The following RAB11FIP4 variants were observed in gnomAD, a reference collection of about 807,000 sequenced individuals.
RAB11FIP4 encodes the protein RAB11 family interacting protein 4, also known as rab11 family-interacting protein 4.
Under a neutral mutation model 74.3 loss-of-function variants are expected in RAB11FIP4, and 23 were observed. The observed-to-expected ratio is 0.31, with a 90% CI of 0.22 to 0.44. The LOEUF is 0.44. RAB11FIP4 is among the 20% of genes least tolerant of loss of function. The pLI, the probability that RAB11FIP4 is intolerant of heterozygous loss-of-function variation, is 1.00. For missense variants in RAB11FIP4, 630 were observed against 863.9 expected (o/e 0.73, Z 3.39); for synonymous variants, 360 against 359.9 (o/e 1.00, Z 0.00).
At chr17:31,493,552 A>G (rs62063883) in intron 3 of RAB11FIP4, among the ~76,000 whole-genome samples, 23,445 of 152,106 alleles carry the variant, frequency 0.15, 2,019 homozygotes, top group South Asian at 0.29. Flanking sequence ...GAGCGAGAAT[A>G]GCAGCAAGTC....
At chr17:31,463,831 T>TTTTTGG (rs2071656861) in intron 3 of RAB11FIP4, among the ~76,000 whole-genome samples, 1 of 129,598 alleles carries the variant, frequency 7.7e-6, no homozygotes. Flanking sequence ...TTTTTTTTTT[T>TTTTTGG]GAGACAGAGT....
chr17:31,445,532 TTATATATATATATA>T (rs1208804229), intron 3 of RAB11FIP4, among the ~76,000 whole-genome samples: 93 of 36,526 alleles, frequency 2.5e-3, no homozygotes, highest in African/African-American at 3.0e-3. Flanking sequence ...TTTCCCAATT[TTATATATATATATA>T]TATATATATA....
rs1397072046 is a variant in RAB11FIP4, at chr17:31,521,256, C to CT, written c.655dup (p.Tyr219LeufsTer5). On this transcript the variant is annotated frameshift_variant, in exon 5 of 15. Transcript: ENST00000621161. LOFTEE classifies it high-confidence loss of function. ...TCAGCAATGAGGAGCAGTTTGAAGACTATGGGGAGGGTGACGATGTGGACT... is the reference window on the plus strand; with the variant it reads ...TCAGCAATGAGGAGCAGTTTGAAGACTTATGGGGAGGGTGACGATGTGGACT... 6.2e-7 allele frequency: 1 copy of CT among 1,613,960 alleles called. No homozygotes were observed. The highest frequency in any genetic ancestry group is 1.3e-5 in the African/African-American group (1 of 74,906).
At chr17:31,488,823 G>C (rs977387339) in intron 3 of RAB11FIP4, among the ~76,000 whole-genome samples, 3 of 152,188 alleles carry the variant, frequency 2.0e-5, no homozygotes, top group African/African-American at 7.2e-5. Flanking sequence ...GGCCCTTGAG[G>C]CGGCCGGTCT....
intron 3 of RAB11FIP4, among the ~76,000 whole-genome samples, chr17:31,465,082 C>T (rs570989010): frequency 4.6e-5 from 7 of 152,120 alleles, no homozygotes; most frequent in Admixed American, 2.6e-4. Context: ...CCAGGGCCTA[C>T]GGGCAGTCAG....
chr17:31,431,884 G>A lies in RAB11FIP4; in HGVS notation c.231G>A (p.Gly77=). The A allele has an allele frequency of 6.2e-7, 1 of 1,612,854 alleles. No individual in the cohort carries two copies. The highest frequency in any genetic ancestry group is 2.2e-5 in the East Asian group (1 of 44,820). The part of the protein sequence containing the change: ...GRINFKDFCR[G]VFAMKGCEEL... Reference sequence around the variant, plus strand: ...TCAACTTCAAGGACTTTTGCCGGGGGGTGTTCGCCATGAAAGGTGAGGTCT... The same window carrying A: ...TCAACTTCAAGGACTTTTGCCGGGGAGTGTTCGCCATGAAAGGTGAGGTCT... Residue 77 remains glycine, a synonymous_variant, in exon 2 of 15, where the codon GGG becomes GGA. Transcript: ENST00000621161.
At chr17:31,509,015 T>TA (rs1451077326) in intron 3 of RAB11FIP4, 1 of 152,640 alleles carries the variant, frequency 6.6e-6, no homozygotes, top group Non-Finnish European at 1.5e-5. Context: ...GCCTTTGCTT[T>TA]ATGTAAATGT....
chr17:31,525,293 G>A, intron 10 of RAB11FIP4, 63 bp downstream of exon 10: 1 of 1,467,194 alleles, frequency 6.8e-7, no homozygotes, highest in Non-Finnish European at 9.1e-7. Flanking sequence ...AGCCCTGTGG[G>A]ATAGGCGCTA....
Position 31,393,494 on chromosome 17 carries a change from C to T in RAB11FIP4, c.159+1483C>T, listed in dbSNP as rs116676507. ...GGAAGGGCCTCCCAACAACCTCTGG[C>T]AGGGGCCACCGGCCTCAGCCACGTG... On this transcript the variant is annotated intron_variant, in intron 1 of 14. Transcript: ENST00000621161. 1.9e-3 allele frequency among the ~76,000 whole-genome samples: 297 copies of T among 152,340 alleles called. 1 individual carries two copies. The highest frequency in any genetic ancestry group is 6.7e-3 in the African/African-American group (280 of 41,586).
chr17:31,414,326 G>C (rs980005483), intron 1 of RAB11FIP4, among the ~76,000 whole-genome samples: 1 of 152,206 alleles, frequency 6.6e-6, no homozygotes, highest in Non-Finnish European at 1.5e-5. Context: ...TCCTTCCCTG[G>C]GAGCTTCCTG....
chr17:31,450,607 G>A (rs953618288), intron 3 of RAB11FIP4, among the ~76,000 whole-genome samples: 1 of 151,784 alleles, frequency 6.6e-6, no homozygotes, highest in Admixed American at 6.6e-5. Flanking sequence ...AGCCTTGCCC[G>A]CCCTCCTCCT....
intron 3 of RAB11FIP4, among the ~76,000 whole-genome samples, chr17:31,462,926 G>T (rs988674612): frequency 6.6e-6 from 1 of 152,114 alleles, no homozygotes; most frequent in Non-Finnish European, 1.5e-5. Context: ...GTGAGCCACC[G>T]CGCCCAGCCT....
intron 3 of RAB11FIP4, chr17:31,487,915 G>A (rs2071926876): frequency 2.2e-6 from 1 of 445,128 alleles, no homozygotes; most frequent in Non-Finnish European, 3.0e-6. Context: ...GGTTACCTGG[G>A]CCCCGCCCCG....
intron 11 of RAB11FIP4, 115 bp downstream of exon 11, chr17:31,528,038 A>G (rs2072798461): frequency 1.3e-6 from 1 of 763,042 alleles, no homozygotes; most frequent in South Asian, 1.8e-5. Context: ...AAAAAAGTGA[A>G]TAACAACTTG....
intron 4 of RAB11FIP4, among the ~76,000 whole-genome samples, chr17:31,520,462 A>G (rs1050073320): frequency 6.6e-6 from 1 of 152,174 alleles, no homozygotes; most frequent in African/African-American, 2.4e-5. Flanking sequence ...AACAATGGCT[A>G]CTACAGAAGC....
intron 3 of RAB11FIP4, among the ~76,000 whole-genome samples, chr17:31,483,022 G>C (rs755795601): frequency 1.3e-5 from 2 of 151,636 alleles, no homozygotes; most frequent in Admixed American, 1.3e-4. Flanking sequence ...GTGAAACCCC[G>C]TCTCTACTAA....
At chr17:31,497,328 C>T (rs558643302) in intron 3 of RAB11FIP4, among the ~76,000 whole-genome samples, 249 of 152,246 alleles carry the variant, frequency 1.6e-3, no homozygotes, top group African/African-American at 5.9e-3. Flanking sequence ...CATGCCACTG[C>T]ACTCCAGCCT....
At chr17:31,483,424 C>T (rs1264589894) in intron 3 of RAB11FIP4, among the ~76,000 whole-genome samples, 1 of 152,148 alleles carries the variant, frequency 6.6e-6, no homozygotes, top group Non-Finnish European at 1.5e-5. Context: ...CCATTTCCCA[C>T]CTCTGGGGCT....
chr17:31,490,431 G>A (rs886888756), intron 3 of RAB11FIP4, among the ~76,000 whole-genome samples: 2 of 152,198 alleles, frequency 1.3e-5, no homozygotes, highest in East Asian at 1.9e-4. Context: ...GGGGGTGAAG[G>A]GGGTAGGAGA....
Sources: allele counts gnomAD v4.1 joint callset (sites outside exome capture counted in the v4.1 genomes callset), GRCh38; gene constraint gnomAD v4.1.1; transcripts MANE v1.5; gene names NCBI Gene and HGNC (gene_info 2026-07-23, HGNC 2026-07-21).